Variants in TRAF7 observed in about 807,000 individuals in gnomAD.
The protein encoded by TRAF7 is TNF receptor associated factor 7.
TRAF7 carries 45 observed loss-of-function variants against 89.3 expected under a neutral mutation model. The ratio of observed to expected loss-of-function variants is 0.50; its 90% CI spans 0.40 to 0.65. TRAF7 has a LOEUF of 0.65. Among genes scored for constraint, TRAF7 ranks in the 30% least tolerant of loss-of-function variants. The pLI, the probability that TRAF7 is intolerant of heterozygous loss-of-function variation, is 0.00. For synonymous variants in TRAF7, 406 were observed against 369.2 expected (o/e 1.10, Z -1.14); for missense variants, 677 against 918.1 (o/e 0.74, Z 3.39).
At chr16:2,167,349 C>A (rs2141278672) in intron 3 of TRAF7, among the ~76,000 whole-genome samples, 1 of 152,336 alleles carries the variant, frequency 6.6e-6, no homozygotes, top group Admixed American at 6.5e-5. Flanking sequence ...GAGCCCAGGG[C>A]TCATCGTGAC....
At chr16:2,169,530 C>A (rs1369517896) in intron 4 of TRAF7, among the ~76,000 whole-genome samples, 2 of 152,034 alleles carry the variant, frequency 1.3e-5, no homozygotes, top group African/African-American at 4.8e-5. Flanking sequence ...CACAGGGAGT[C>A]CCCCTCCTGC....
chr16:2,173,857 G>GCGGGGGGC, intron 12 of TRAF7, 21 bp downstream of exon 12: 1 of 1,607,498 alleles, frequency 6.2e-7, no homozygotes, highest in Non-Finnish European at 8.5e-7. Flanking sequence ...ACCCGCCGTG[G>GCGGGGGGC]CTCCCGCCCA....
At position 2,177,865 on chromosome 16, in the gene TRAF7, C is replaced by A. The variant is rs182199125; in HGVS notation, c.*1291C>A. 3.4e-6 allele frequency: 1 copy of A among 290,840 alleles called. No homozygotes were observed. Among genetic ancestry groups the A allele is most frequent in the Non-Finnish European group, 6.6e-6 (1 of 151,768 alleles). The allele number at this position is 290,840 out of a possible 1,614,324, so 18.0% of individuals were successfully genotyped here. A position where few individuals can be genotyped will look rare whatever the true frequency, so the allele number is the denominator to read the frequency against. ...ACGGAGGAGCCCCCGGCAGAGCACC[C>A]GCCCCCGGGCCCCAGCCTTCCACCT... On this transcript the variant is annotated 3_prime_UTR_variant, in exon 21 of 21. Coordinates refer to ENST00000326181, the MANE Select transcript of TRAF7 (RefSeq NM_032271.3).
chr16:2,167,973 T>G, intron 3 of TRAF7, 104 bp from the exon 4 acceptor site: 7 of 1,031,966 alleles, frequency 6.8e-6, no homozygotes, highest in Non-Finnish European at 1.0e-5. Context: ...GGGAGGGCTG[T>G]GAGCTACAGG....
chr16:2,157,670 G>A (rs1334251850), intron 1 of TRAF7, among the ~76,000 whole-genome samples: 4 of 152,072 alleles, frequency 2.6e-5, no homozygotes, highest in Non-Finnish European at 4.4e-5. Context: ...TTGGGGAAAG[G>A]AGGAAGATGC....
At position 2,171,570 on chromosome 16, in the gene TRAF7, A is replaced by G. The variant is rs1355240190; in HGVS notation, c.442-2A>G. The G allele has an allele frequency of 1.2e-6, 2 of 1,613,290 alleles. No homozygotes were observed. The highest frequency in any genetic ancestry group is 2.2e-5 in the East Asian group (1 of 44,870). ...CCTCAAGCCCGCCCTTTGCCTCCACAGCACACGTTCTGTAGGAGATGCGCC... is the reference window on the plus strand; with the variant it reads ...CCTCAAGCCCGCCCTTTGCCTCCACGGCACACGTTCTGTAGGAGATGCGCC... On this transcript the variant is annotated splice_acceptor_variant, in intron 6 of 20. Transcript: ENST00000326181. LOFTEE classifies it high-confidence loss of function.
intron 5 of TRAF7, 21 bp downstream of exon 5, chr16:2,170,751 G>A (rs745727834): frequency 2.9e-5 from 46 of 1,578,064 alleles, no homozygotes; most frequent in East Asian, 7.0e-5. Flanking sequence ...GGGACTCGGC[G>A]CAGAGCGGCT....
rs773608156 is a variant in TRAF7, at chr16:2,174,244, T to C, written c.1264-7T>C. 9 of 1,612,100 alleles carry C rather than the reference T, an allele frequency of 5.6e-6. No individual in the cohort carries two copies. ...GCTGGGACCCACTGTGGCCCTGGTC[T>C]CTGCAGGTGTGGGACACATGTACCA... is the stretch of plus-strand genomic sequence containing the variant. On this transcript the variant is annotated splice_polypyrimidine_tract_variant and splice_region_variant and intron_variant, in intron 13 of 20. Coordinates refer to ENST00000326181, the MANE Select transcript of TRAF7 (RefSeq NM_032271.3).
chr16:2,175,485 C>T lies in TRAF7; in HGVS notation c.1504-15C>T, dbSNP rs372069595. 13 of 1,612,902 alleles carry T rather than the reference C, an allele frequency of 8.1e-6. No homozygotes were observed. The African/African-American group carries it at 1.3e-4, about 17-fold the overall frequency. On this transcript the variant is annotated splice_polypyrimidine_tract_variant and intron_variant, in intron 16 of 20. Coordinates refer to ENST00000326181, the MANE Select transcript of TRAF7 (RefSeq NM_032271.3). Reference sequence around the variant, plus strand: ...CCCTTGCCCGCCCAGCCCACAGTTGCAGCAATCCCTGCAGGTCTGGGACAT... The same window carrying T: ...CCCTTGCCCGCCCAGCCCACAGTTGTAGCAATCCCTGCAGGTCTGGGACAT...
At position 2,171,593 on chromosome 16, in the gene TRAF7, G is replaced by A. The variant is rs766294780; in HGVS notation, c.463G>A (p.Ala155Thr). 9.3e-6 allele frequency: 15 copies of A among 1,613,164 alleles called. No individual in the cohort carries two copies. Among genetic ancestry groups the A allele is most frequent in the South Asian group, 4.4e-5 (4 of 91,090 alleles). Residue 155 changes from alanine to threonine, a missense_variant, in exon 7 of 21, where the codon GCC becomes ACC. Coordinates refer to ENST00000326181, the MANE Select transcript of TRAF7 (RefSeq NM_032271.3). ...ACAGCACACGTTCTGTAGGAGATGCGCCTTGAAGTCAGGTAGGTTTGTGCC... is the reference window on the plus strand; with the variant it reads ...ACAGCACACGTTCTGTAGGAGATGCACCTTGAAGTCAGGTAGGTTTGTGCC... ...TCGHTFCRRC[A>T]LKSEKCPVDN...
chr16:2,175,048 C>G (rs563927430), intron 14 of TRAF7, 63 bp from the exon 15 acceptor site: 2 of 1,606,824 alleles, frequency 1.2e-6, no homozygotes, highest in South Asian at 2.2e-5. Context: ...TCGGGCCCTG[C>G]CAGGGCGGTG....
chr16:2,171,755 G>C, intron 7 of TRAF7, 150 bp downstream of exon 7: 1 of 1,232,888 alleles, frequency 8.1e-7, no homozygotes, highest in Non-Finnish European at 1.1e-6. Context: ...TCCTAGGGAC[G>C]CTCAGGCTGA....
In TRAF7 at chr16:2,155,803, A is replaced by AG. The variant is rs1226056394; in HGVS notation, c.-89dup. The AG allele has an allele frequency of 6.6e-6, 1 of 151,142 alleles. No homozygotes were observed. The highest frequency in any genetic ancestry group is 1.5e-5 in the Non-Finnish European group (1 of 67,712). 9.4% of individuals were successfully genotyped at this position (151,142 alleles called of 1,614,324 possible). On this transcript the variant is annotated 5_prime_UTR_variant, in exon 1 of 21. Coordinates refer to ENST00000326181, the MANE Select transcript of TRAF7 (RefSeq NM_032271.3). ...TAGTCCCTTTCCCGGCCGGCGGCCGAGGGGGCATCATGAAGCGGGCTGGCG... is the reference window on the plus strand; with the variant it reads ...TAGTCCCTTTCCCGGCCGGCGGCCGAGGGGGGCATCATGAAGCGGGCTGGCG...
Position 2,162,766 on chromosome 16 carries a change from C to T in TRAF7, c.-38-1117C>T, listed in dbSNP as rs2093062864. On this transcript the variant is annotated intron_variant, in intron 1 of 20. Transcript: ENST00000326181. This position sits in a 1 kb window ranked among gnomAD's most constrained non-coding sequence, Gnocchi z 5.0. ...TCGAGGTGGACAGTGCAGGTGGGCCCGGGGCAGGAGTCCTGGGCACGTGGC... is the reference window on the plus strand; with the variant it reads ...TCGAGGTGGACAGTGCAGGTGGGCCTGGGGCAGGAGTCCTGGGCACGTGGC... Among the ~76,000 whole-genome samples the T allele has an allele frequency of 6.6e-6, 1 of 152,106 alleles. No individual in the cohort carries two copies. Among genetic ancestry groups the T allele is most frequent in the African/African-American group, 2.4e-5 (1 of 41,508 alleles).
Position 2,168,308 on chromosome 16 carries a change from C to T in TRAF7, c.231+140C>T. On this transcript the variant is annotated intron_variant, in intron 4 of 20. Coordinates refer to ENST00000326181, the MANE Select transcript of TRAF7 (RefSeq NM_032271.3). The surrounding 1 kb of genome is among the most constrained non-coding windows in gnomAD (Gnocchi z 4.1). ...AGAGCACCTGTGGATACCCTGAGGC[C>T]TCGGCAGACATGGCAAGTCTGTGAG... 1.5e-6 allele frequency: 1 copy of T among 658,872 alleles called. No homozygotes were observed. Among genetic ancestry groups the T allele is most frequent in the African/African-American group, 1.8e-5 (1 of 54,326 alleles). 40.8% of individuals were successfully genotyped at this position (658,872 alleles called of 1,614,324 possible). A position where few individuals can be genotyped will look rare whatever the true frequency, so the allele number is the denominator to read the frequency against.
Position 2,173,730 on chromosome 16 carries a change from G to T in TRAF7, c.1087-58G>T, listed in dbSNP as rs1168927081. 4 of 1,602,216 alleles carry T rather than the reference G, an allele frequency of 2.5e-6. No homozygotes were observed. The African/African-American group carries it at 4.0e-5, about 16-fold the overall frequency. On this transcript the variant is annotated intron_variant, in intron 11 of 20. Coordinates refer to ENST00000326181, the MANE Select transcript of TRAF7 (RefSeq NM_032271.3). ...CCAGGGCAGCAGGGGCAGAGAGGCT[G>T]CACTGGCCCCACAGCAGCCCTGCCC...
intron 14 of TRAF7, among the ~76,000 whole-genome samples, chr16:2,174,732 G>GCCTGCCT (rs2093128185): frequency 6.6e-6 from 1 of 152,224 alleles, no homozygotes; most frequent in Non-Finnish European, 1.5e-5. Flanking sequence ...CAGGTGGCCC[G>GCCTGCCT]CCTGCCTCCT....
At position 2,174,391 on chromosome 16, in the gene TRAF7, AC is replaced by A. The variant is rs2093126809; in HGVS notation, c.1346+62del. 4 of 1,537,774 alleles carry A rather than the reference AC, an allele frequency of 2.6e-6. No homozygotes were observed. In the African/African-American group the frequency reaches 5.5e-5, roughly 21 times the overall value. ...CCAGGACAGGAGACGTGGCGCTGCC[AC>A]CCCGTGGGCCGTGAGCCATGAGCTC... On this transcript the variant is annotated intron_variant, in intron 14 of 20. Coordinates refer to ENST00000326181, the MANE Select transcript of TRAF7 (RefSeq NM_032271.3).
chr16:2,176,172 T>TC lies in TRAF7; in HGVS notation c.1873dup (p.Leu625ProfsTer39). On this transcript the variant is annotated frameshift_variant, in exon 19 of 21. Coordinates refer to ENST00000326181, the MANE Select transcript of TRAF7 (RefSeq NM_032271.3). LOFTEE classifies it high-confidence loss of function. ...AGTCTTCAGTGCATCCTACGACCGGTCCCTCAGGGTGCGTGCTGGCCCAGC... is the reference window on the plus strand; with the variant it reads ...AGTCTTCAGTGCATCCTACGACCGGTCCCCTCAGGGTGCGTGCTGGCCCAGC... The TC allele has an allele frequency of 6.2e-7, 1 of 1,606,414 alleles. No homozygotes were observed. Among genetic ancestry groups the TC allele is most frequent in the Non-Finnish European group, 8.5e-7 (1 of 1,179,044 alleles).
Sources: allele counts gnomAD v4.1 joint callset (sites outside exome capture counted in the v4.1 genomes callset), GRCh38; gene constraint gnomAD v4.1.1; non-coding constraint Gnocchi (gnomAD v3.1); transcripts MANE v1.5; gene names NCBI Gene and HGNC (gene_info 2026-07-23, HGNC 2026-07-21).